LDHAL6B: variants seen among roughly 807,000 people sequenced by gnomAD.
LDHAL6B encodes L-lactate dehydrogenase A-like 6B.
For synonymous variants in LDHAL6B, 205 were observed against 170.6 expected, an observed-to-expected ratio of 1.20 and a Z score of -1.57; for missense variants, 523 against 473.9, an observed-to-expected ratio of 1.10 and a Z score of -0.96.
In LDHAL6B at chr15:59,208,144, T is replaced by C; in HGVS notation, c.*58T>C. Reference sequence around the variant, plus strand: ...AAGAGATCATAGATACAGGATTATATAACGAAATTTTGAATAAACTTGAAT... The same window carrying C: ...AAGAGATCATAGATACAGGATTATACAACGAAATTTTGAATAAACTTGAAT... On this transcript the variant is annotated 3_prime_UTR_variant, in exon 1 of 1. Coordinates refer to ENST00000307144, the MANE Select transcript of LDHAL6B (RefSeq NM_033195.3). 6.9e-7 allele frequency: 1 copy of C among 1,441,394 alleles called. No homozygotes were observed. The highest frequency in any genetic ancestry group is 9.3e-7 in the Non-Finnish European group (1 of 1,074,808). The allele number at this position is 1,441,394 out of a possible 1,614,324, so 89.3% of individuals were successfully genotyped here.
the LDHAL6B span, chr15:59,207,192 C>A: frequency 2.5e-6 from 4 of 1,614,190 alleles, no homozygotes; most frequent in Non-Finnish European, 3.4e-6. Flanking sequence ...GCATGGCCTG[C>A]GCTATCAGCA....
Position 59,208,237 on chromosome 15 carries a change from T to G in LDHAL6B, c.*151T>G. On this transcript the variant is annotated 3_prime_UTR_variant, in exon 1 of 1. Coordinates refer to ENST00000307144, the MANE Select transcript of LDHAL6B (RefSeq NM_033195.3). ...TATTTATTTAGTCCTCCAGCTCTTTTATTGAGCATCCACGTGCTGGACGAT... is the reference window on the plus strand; with the variant it reads ...TATTTATTTAGTCCTCCAGCTCTTTGATTGAGCATCCACGTGCTGGACGAT... 2.8e-6 allele frequency: 2 copies of G among 707,408 alleles called. No individual in the cohort carries two copies. The highest frequency in any genetic ancestry group is 4.6e-6 in the Non-Finnish European group (2 of 435,876). The allele number at this position is 707,408 out of a possible 1,614,324, so 43.8% of individuals were successfully genotyped here.
rs1430885893 is a variant in LDHAL6B at position 59,208,268 on chromosome 15, T to C, written c.*182T>C. 1.6e-6 allele frequency: 1 copy of C among 608,690 alleles called. No individual in the cohort carries two copies. Among genetic ancestry groups the C allele is most frequent in the Non-Finnish European group, 2.8e-6 (1 of 353,338 alleles). The allele number at this position is 608,690 out of a possible 1,614,324, so 37.7% of individuals were successfully genotyped here. A position where few individuals can be genotyped will look rare whatever the true frequency, so the allele number is the denominator to read the frequency against. On this transcript the variant is annotated 3_prime_UTR_variant, in exon 1 of 1. Transcript: ENST00000307144. The stretch of plus-strand genomic sequence containing the variant: ...GCATCCACGTGCTGGACGATACTTA[T>C]TTACAATTCCTAAGTATTTTTGGTA...
In LDHAL6B at chr15:59,207,473, C is replaced by A; in HGVS notation, c.533C>A (p.Pro178His). Residue 178 changes from proline to histidine, a missense_variant, in exon 1 of 1, where the codon CCC becomes CAC. By Grantham distance (77) the Pro-to-His change is moderately conservative. Transcript: ENST00000307144. Reference protein sequence around the residue: ...LMISSIVQYSPHCKLIIVSNP... With the variant: ...LMISSIVQYSHHCKLIIVSNP... Reference sequence around the variant, plus strand: ...ATTTCCAGTATTGTCCAGTACAGCCCCCACTGCAAACTGATTATTGTTTCC... The same window carrying A: ...ATTTCCAGTATTGTCCAGTACAGCCACCACTGCAAACTGATTATTGTTTCC... 1 of 1,613,982 alleles carries A rather than the reference C, an allele frequency of 6.2e-7. No homozygotes were observed. The highest frequency in any genetic ancestry group is 2.2e-5 in the East Asian group (1 of 44,878).
Position 59,207,875 on chromosome 15 carries a change from T to C in LDHAL6B, c.935T>C (p.Ile312Thr), listed in dbSNP as rs201443304. The C allele has an allele frequency of 1.2e-4, 188 of 1,614,092 alleles. No individual in the cohort carries two copies. Among genetic ancestry groups the C allele is most frequent in the Non-Finnish European group, 1.6e-4 (186 of 1,180,036 alleles). The change falls in exon 1 of 1, where the codon ATT becomes ACT. Residue 312 changes from isoleucine to threonine, a missense_variant. Ile to Thr is a moderately conservative substitution (Grantham distance 89, BLOSUM62 -1). Coordinates refer to ENST00000307144, the MANE Select transcript of LDHAL6B (RefSeq NM_033195.3). ...TCTGTGGCCGATTTAACAGAAAGTA[T>C]TTTGAAGAATCTTAGGAGAATACAT... Reference protein sequence around the residue: ...GLSVADLTESILKNLRRIHPV... With the variant: ...GLSVADLTESTLKNLRRIHPV...
Position 59,207,756 on chromosome 15 carries a change from T to C in LDHAL6B, c.816T>C (p.Asp272=). Residue 272 remains aspartate (D), a synonymous_variant, in exon 1 of 1, where the codon GAT becomes GAC. Coordinates refer to ENST00000307144, the MANE Select transcript of LDHAL6B (RefSeq NM_033195.3). The stretch of plus-strand genomic sequence containing the variant: ...ACTCTGATATAGGAACTGATAAAGA[T>C]CCTGAGCAATGGAAAAATGTCCACA... ...DLNSDIGTDK[D]PEQWKNVHKE... The C allele has an allele frequency of 6.2e-7, 1 of 1,614,150 alleles. No individual in the cohort carries two copies. The highest frequency in any genetic ancestry group is 1.1e-5 in the South Asian group (1 of 91,076).
rs1413685650 is a variant in LDHAL6B at position 59,207,655 on chromosome 15, C to G, written c.715C>G (p.Leu239Val). The change falls in exon 1 of 1, where the codon CTC (leucine) becomes GTC (valine). Residue 239 changes from leucine to valine, a missense_variant. Leu to Val is a conservative substitution (Grantham distance 32). Transcript: ENST00000307144. ...IHSESCHGWI[L>V]GEHGDSSVPV... ...TTCTGAAAGCTGCCATGGATGGATC[C>G]TCGGAGAGCATGGAGACTCAAGTGT... 1 of 1,614,122 alleles carries G rather than the reference C, an allele frequency of 6.2e-7. No individual in the cohort carries two copies. Among genetic ancestry groups the G allele is most frequent in the African/African-American group, 1.3e-5 (1 of 75,022 alleles).
chr15:59,207,621 TG>T, the LDHAL6B span: 1 of 1,614,200 alleles, frequency 6.2e-7, no homozygotes, highest in Non-Finnish European at 8.5e-7. Context: ...GACAAAAGCT[TG>T]GTATCCATTC....
Position 59,206,890 on chromosome 15 carries a change from G to A in LDHAL6B, c.-51G>A, listed in dbSNP as rs367595111. ...CGGCTCTCTTGGCGTCTCAACGTTCGGATCAGCAGCTTTTTTCCATTCTCT... is the reference window on the plus strand; with the variant it reads ...CGGCTCTCTTGGCGTCTCAACGTTCAGATCAGCAGCTTTTTTCCATTCTCT... On this transcript the variant is annotated 5_prime_UTR_variant, in exon 1 of 1. Coordinates refer to ENST00000307144, the MANE Select transcript of LDHAL6B (RefSeq NM_033195.3). The A allele has an allele frequency of 2.4e-5, 38 of 1,558,280 alleles. No homozygotes were observed. The highest frequency in any genetic ancestry group is 1.7e-4 in the Middle Eastern group (1 of 5,756).
At position 59,207,340 on chromosome 15, in the gene LDHAL6B, G is replaced by C. The variant is rs1381323871; in HGVS notation, c.400G>C (p.Val134Leu). The change falls in exon 1 of 1, where the codon GTC (valine) becomes CTC (leucine). Residue 134 changes from valine to leucine, a missense_variant. Transcript: ENST00000307144. ...TATTGTTTGTAGCAAAGATTACTTT[G>C]TCACAGCAAACTCCAACCTAGTGAT... ...PNIVCSKDYF[V>L]TANSNLVIIT... 9.3e-6 allele frequency: 15 copies of C among 1,614,076 alleles called. No homozygotes were observed. The highest frequency in any genetic ancestry group is 1.3e-5 in the Non-Finnish European group (15 of 1,179,934).
In LDHAL6B at chr15:59,206,914, C is replaced by G; in HGVS notation, c.-27C>G. 1 of 1,592,528 alleles carries G rather than the reference C, an allele frequency of 6.3e-7. No homozygotes were observed. The highest frequency in any genetic ancestry group is 8.6e-7 in the Non-Finnish European group (1 of 1,168,318). On this transcript the variant is annotated 5_prime_UTR_variant, in exon 1 of 1. Transcript: ENST00000307144. ...CGGATCAGCAGCTTTTTTCCATTCT[C>G]TCTCTCCACTTCTTCAGTGAGCAGC...
In LDHAL6B at chr15:59,207,973, G is replaced by A. The variant is rs1470787030; in HGVS notation, c.1033G>A (p.Gly345Arg). Reference protein sequence around the residue: ...EVFLSIPCILGENGITNLIKI... With the variant: ...EVFLSIPCILRENGITNLIKI... ...ATTCCTCAGTATTCCTTGTATCCTG[G>A]GAGAGAACGGTATTACCAACCTTAT... Residue 345 changes from glycine (G) to arginine (R), a missense_variant, in exon 1 of 1, where the codon GGA (glycine) becomes AGA (arginine). By Grantham distance (125) the Gly-to-Arg change is moderately radical. Transcript: ENST00000307144. 2.5e-6 allele frequency: 4 copies of A among 1,614,016 alleles called. No individual in the cohort carries two copies. Among genetic ancestry groups the A allele is most frequent in the Admixed American group, 3.3e-5 (2 of 60,012 alleles).
the LDHAL6B span, chr15:59,207,943 G>T: frequency 3.7e-6 from 6 of 1,613,986 alleles, no homozygotes; most frequent in Admixed American, 1.0e-4. Flanking sequence ...AATAGATGAA[G>T]AAGTATTCCT....
Position 59,207,769 on chromosome 15 carries a change from A to G in LDHAL6B, c.829A>G (p.Lys277Glu), listed in dbSNP as rs774435907. 1.9e-6 allele frequency: 3 copies of G among 1,614,158 alleles called. No individual in the cohort carries two copies. Among genetic ancestry groups the G allele is most frequent in the Non-Finnish European group, 1.7e-6 (2 of 1,179,994 alleles). Residue 277 changes from lysine to glutamate, a missense_variant, in exon 1 of 1, where the codon AAA (lysine) becomes GAA (glutamate). By Grantham distance (56) the Lys-to-Glu change is moderately conservative (BLOSUM62 1). Coordinates refer to ENST00000307144, the MANE Select transcript of LDHAL6B (RefSeq NM_033195.3). Reference protein sequence around the residue: ...IGTDKDPEQWKNVHKEVTATA... With the variant: ...IGTDKDPEQWENVHKEVTATA... ...AACTGATAAAGATCCTGAGCAATGG[A>G]AAAATGTCCACAAAGAAGTGACTGC...
At position 59,208,410 on chromosome 15, in the gene LDHAL6B, A is replaced by G. The variant is rs1206991526; in HGVS notation, c.*324A>G. Reference sequence around the variant, plus strand: ...AATTCCGACTCTTTTCATTAGATATATGCTATTTCTTTCATTCTTGCTGGT... The same window carrying G: ...AATTCCGACTCTTTTCATTAGATATGTGCTATTTCTTTCATTCTTGCTGGT... On this transcript the variant is annotated 3_prime_UTR_variant, in exon 1 of 1. Coordinates refer to ENST00000307144, the MANE Select transcript of LDHAL6B (RefSeq NM_033195.3). The G allele has an allele frequency of 1.7e-6, 1 of 576,574 alleles. No homozygotes were observed. Among genetic ancestry groups the G allele is most frequent in the Non-Finnish European group, 3.1e-6 (1 of 319,394 alleles). 35.7% of individuals were successfully genotyped at this position (576,574 alleles called of 1,614,324 possible).
rs868343529 is a variant in LDHAL6B, at chr15:59,208,329, T to A, written c.*243T>A. Reference sequence around the variant, plus strand: ...AGCAGCACTTGCCATGTTATATATATGTAGTTGGCATTTGGTTCCCAAAAA... The same window carrying A: ...AGCAGCACTTGCCATGTTATATATAAGTAGTTGGCATTTGGTTCCCAAAAA... On this transcript the variant is annotated 3_prime_UTR_variant, in exon 1 of 1. Coordinates refer to ENST00000307144, the MANE Select transcript of LDHAL6B (RefSeq NM_033195.3). The A allele has an allele frequency of 1.8e-6, 1 of 562,400 alleles. No homozygotes were observed. The highest frequency in any genetic ancestry group is 3.2e-6 in the Non-Finnish European group (1 of 314,676). The allele number at this position is 562,400 out of a possible 1,614,324, so 34.8% of individuals were successfully genotyped here.
chr15:59,207,709 G>C lies in LDHAL6B; in HGVS notation c.769G>C (p.Gly257Arg), dbSNP rs1420854708. 8 of 1,614,116 alleles carry C rather than the reference G, an allele frequency of 5.0e-6. No homozygotes were observed. The highest frequency in any genetic ancestry group is 6.8e-6 in the Non-Finnish European group (8 of 1,180,016). ...TGTGTGGAGTGGAGTGAACATAGCTGGTGTCCCTTTGAAGGATCTGAACTC... is the reference window on the plus strand; with the variant it reads ...TGTGTGGAGTGGAGTGAACATAGCTCGTGTCCCTTTGAAGGATCTGAACTC... ...VPVWSGVNIA[G>R]VPLKDLNSDI... is the part of the protein sequence containing the mutation. Residue 257 changes from glycine (G) to arginine (R), a missense_variant, in exon 1 of 1, where the codon GGT (glycine) becomes CGT (arginine). Transcript: ENST00000307144.
At position 59,208,479 on chromosome 15, in the gene LDHAL6B, C is replaced by A. The variant is rs1353013929; in HGVS notation, c.*393C>A. ...ATATGCTGTAAAAAAGTAGTAGCTT[C>A]TTCTACAATGTAAAAATAAATGTAC... On this transcript the variant is annotated 3_prime_UTR_variant, in exon 1 of 1. Coordinates refer to ENST00000307144, the MANE Select transcript of LDHAL6B (RefSeq NM_033195.3). 3.5e-5 allele frequency: 23 copies of A among 659,766 alleles called. No homozygotes were observed. In the East Asian group the frequency reaches 6.1e-4, roughly 18 times the overall value. 40.9% of individuals were successfully genotyped at this position (659,766 alleles called of 1,614,324 possible).
chr15:59,208,532 A>C lies in LDHAL6B; in HGVS notation c.*446A>C. On this transcript the variant is annotated 3_prime_UTR_variant, in exon 1 of 1. Transcript: ENST00000307144. ...ACAAAAAAATGCAGTAGTATATACA[A>C]TCTTTTGTTTTGCTTCCTTTGATAG... 2.1e-6 allele frequency: 2 copies of C among 970,226 alleles called. No homozygotes were observed. Among genetic ancestry groups the C allele is most frequent in the Admixed American group, 3.9e-5 (2 of 51,222 alleles). 60.1% of individuals were successfully genotyped at this position (970,226 alleles called of 1,614,324 possible).
Sources: gnomAD v4.1 joint callset for allele counts on GRCh38, gnomAD v4.1.1 for gene constraint, MANE v1.5 for transcripts, NCBI Gene and HGNC (gene_info 2026-07-23, HGNC 2026-07-21) for gene names.